SCD: variants seen among roughly 807,000 people sequenced by gnomAD.
SCD encodes the protein acyl-CoA desaturase.
SCD carries 4 observed loss-of-function variants against 35.7 expected under a neutral mutation model. The observed-to-expected ratio is 0.11, with a 90% CI of 0.06 to 0.26. SCD has a LOEUF of 0.26. Among genes scored for constraint, SCD ranks in the 10% least tolerant of loss-of-function variants. SCD has a pLI of 1.00. For missense variants in SCD, 282 were observed against 460.7 expected, an observed-to-expected ratio of 0.61 and a Z score of 3.55; for synonymous variants, 150 against 170.2, an observed-to-expected ratio of 0.88 and a Z score of 0.92.
At position 100,347,244 on chromosome 10, in the gene SCD, C is replaced by A. The variant is rs201993920; in HGVS notation, c.-261C>A. 9.1e-6 allele frequency: 5 copies of A among 548,644 alleles called. No homozygotes were observed. The African/African-American group carries it at 9.9e-5, about 11-fold the overall frequency. 34.0% of individuals were successfully genotyped at this position (548,644 alleles called of 1,614,324 possible). ...GGACCGCCCGCGCCAGTCAACTCCTCGCACTTTGCCCCTGCTTGGCAGCGG... is the reference window on the plus strand; with the variant it reads ...GGACCGCCCGCGCCAGTCAACTCCTAGCACTTTGCCCCTGCTTGGCAGCGG... On this transcript the variant is annotated 5_prime_UTR_variant, in exon 1 of 6. Transcript: ENST00000370355.
At chr10:100,348,432 C>T in intron 2 of SCD, 86 bp downstream of exon 2, 1 of 1,318,242 alleles carries the variant, frequency 7.6e-7, no homozygotes, top group Non-Finnish European at 1.0e-6. Flanking sequence ...AGGACACCAG[C>T]CCCTCCCAGC....
rs199655775 is a variant in SCD at position 100,361,361 on chromosome 10, T to G, written c.*428T>G. On this transcript the variant is annotated 3_prime_UTR_variant, in exon 6 of 6. Transcript: ENST00000370355. ...TGAAGTAGGTGGCTTGAGCTAGAGA[T>G]AAAACAGAATCTTCTGGGTAGTCCC... 9 of 174,798 alleles carry G rather than the reference T, an allele frequency of 5.1e-5. No homozygotes were observed. Among genetic ancestry groups the G allele is most frequent in the African/African-American group, 2.2e-4 (9 of 41,794 alleles). The allele number at this position is 174,798 out of a possible 1,614,324, so 10.8% of individuals were successfully genotyped here.
At chr10:100,350,145 G>A (rs954785284) in intron 2 of SCD, among the ~76,000 whole-genome samples, 1 of 152,120 alleles carries the variant, frequency 6.6e-6, no homozygotes, top group Non-Finnish European at 1.5e-5. Context: ...ACAGAGACTA[G>A]ATGGTAACTT....
Position 100,353,476 on chromosome 10 carries a change from G to A in SCD, c.442-951G>A, listed in dbSNP as rs371008938. ...GGCGGGCACCTGTAGTCCCAGCTAC[G>A]TGGGAGGCTGAGGCAGGAGAATGGT... is the stretch of plus-strand genomic sequence containing the variant. On this transcript the variant is annotated intron_variant, in intron 3 of 5. Coordinates refer to ENST00000370355, the MANE Select transcript of SCD (RefSeq NM_005063.5). 3.4e-4 allele frequency among the ~76,000 whole-genome samples: 51 copies of A among 151,790 alleles called. 2 individuals are homozygous for A. In the South Asian group the frequency reaches 0.011, roughly 32 times the overall value.
Position 100,354,616 on chromosome 10 carries a change from G to T in SCD, c.631G>T (p.Val211Leu). The change falls in exon 4 of 6, where the codon GTG becomes TTG. Residue 211 changes from valine (V) to leucine (L), a missense_variant. Physicochemically the swap from Val to Leu is conservative, Grantham distance 32. This residue lies in a region of SCD where 205 missense variants were observed against 372.3 expected (regional missense o/e 0.55). Coordinates refer to ENST00000370355, the MANE Select transcript of SCD (RefSeq NM_005063.5). Reference protein sequence around the residue: ...DLSDLEAEKLVMFQRRYYKPG... With the variant: ...DLSDLEAEKLLMFQRRYYKPG... ...GTCTGACCTAGAAGCTGAGAAACTG[G>T]TGATGTTCCAGAGGAGGTGAGTGAA... 6.2e-7 allele frequency: 1 copy of T among 1,614,132 alleles called. No homozygotes were observed. Among genetic ancestry groups the T allele is most frequent in the Non-Finnish European group, 8.5e-7 (1 of 1,179,956 alleles).
Position 100,348,074 on chromosome 10 carries a change from C to G in SCD, c.38C>G (p.Ser13Cys). ...AHLLQDDISS[S>C]YTTTTTITAP... ...TCCTCCCCCTTCCAGATCTCTAGCTCCTATACCACCACCACCACCATTACA... is the reference window on the plus strand; with the variant it reads ...TCCTCCCCCTTCCAGATCTCTAGCTGCTATACCACCACCACCACCATTACA... Residue 13 changes from serine to cysteine, a missense_variant, in exon 2 of 6, where the codon TCC becomes TGC. Ser to Cys is a moderately radical substitution (Grantham distance 112). Coordinates refer to ENST00000370355, the MANE Select transcript of SCD (RefSeq NM_005063.5). The G allele has an allele frequency of 6.2e-7, 1 of 1,613,638 alleles. No homozygotes were observed. The highest frequency in any genetic ancestry group is 8.5e-7 in the Non-Finnish European group (1 of 1,179,802).
Position 100,360,846 on chromosome 10 carries a change from T to G in SCD, c.993T>G (p.Gly331=). ...TFFIDCMAAL[G]LAYDRKKVSK... The stretch of plus-strand genomic sequence containing the variant: ...TCATTGATTGCATGGCCGCCCTCGG[T>G]CTGGCCTATGACCGGAAGAAAGTCT... The change falls in exon 6 of 6, where the codon GGT becomes GGG. Residue 331 remains glycine, a synonymous_variant. Coordinates refer to ENST00000370355, the MANE Select transcript of SCD (RefSeq NM_005063.5). 1 of 1,614,008 alleles carries G rather than the reference T, an allele frequency of 6.2e-7. No homozygotes were observed. Among genetic ancestry groups the G allele is most frequent in the Non-Finnish European group, 8.5e-7 (1 of 1,179,880 alleles).
At chr10:100,354,347 C>T in intron 3 of SCD, 80 bp from the exon 4 acceptor site, 1 of 1,288,870 alleles carries the variant, frequency 7.8e-7, no homozygotes, top group Non-Finnish European at 1.1e-6. Flanking sequence ...GCGCCTTGGG[C>T]TCTTGATACC....
At position 100,348,288 on chromosome 10, in the gene SCD, G is replaced by C. The variant is rs763711760; in HGVS notation, c.252G>C (p.Leu84Phe). The change falls in exon 2 of 6, where the codon TTG becomes TTC. Residue 84 changes from leucine (L) to phenylalanine (F), a missense_variant. Physicochemically the swap from Leu to Phe is conservative, Grantham distance 22. This residue lies in a region of SCD where 205 missense variants were observed against 372.3 expected (regional missense o/e 0.55). Transcript: ENST00000370355. ...RNIILMSLLH[L>F]GALYGITLIP... ...TCATCCTTATGTCTCTGCTACACTTGGGAGCCCTGTATGGGATCACTTTGA... is the reference window on the plus strand; with the variant it reads ...TCATCCTTATGTCTCTGCTACACTTCGGAGCCCTGTATGGGATCACTTTGA... 9.9e-6 allele frequency: 16 copies of C among 1,613,932 alleles called. No individual in the cohort carries two copies. Among genetic ancestry groups the C allele is most frequent in the Non-Finnish European group, 3.4e-6 (4 of 1,180,024 alleles).
Position 100,356,641 on chromosome 10 carries a change from C to A in SCD, c.757C>A (p.Arg253=). The A allele has an allele frequency of 6.2e-7, 1 of 1,614,208 alleles. No individual in the cohort carries two copies. Among genetic ancestry groups the A allele is most frequent in the Non-Finnish European group, 8.5e-7 (1 of 1,180,028 alleles). ...CAGTGTGTTCGTTGCCACTTTCTTG[C>A]GATATGCTGTGGTGCTTAATGCCAC... ...QNSVFVATFL[R]YAVVLNATWL... Residue 253 remains arginine, a synonymous_variant, in exon 5 of 6, where the codon CGA becomes AGA. Coordinates refer to ENST00000370355, the MANE Select transcript of SCD (RefSeq NM_005063.5). This position sits in a 1 kb window ranked among gnomAD's most constrained non-coding sequence, Gnocchi z 4.1.
rs1476323522 is a variant in SCD at position 100,363,297 on chromosome 10, G to A, written c.*2364G>A. Reference sequence around the variant, plus strand: ...GCTCAGTCATCAAAGCAGAAGTCTGGCTTTGCTCTATTAAGATTGGAAATG... The same window carrying A: ...GCTCAGTCATCAAAGCAGAAGTCTGACTTTGCTCTATTAAGATTGGAAATG... On this transcript the variant is annotated 3_prime_UTR_variant, in exon 6 of 6. Coordinates refer to ENST00000370355, the MANE Select transcript of SCD (RefSeq NM_005063.5). 1 of 152,270 alleles carries A rather than the reference G, an allele frequency of 6.6e-6. No homozygotes were observed. Among genetic ancestry groups the A allele is most frequent in the Non-Finnish European group, 1.5e-5 (1 of 68,088 alleles). 9.4% of individuals were successfully genotyped at this position (152,270 alleles called of 1,614,324 possible). A position where few individuals can be genotyped will look rare whatever the true frequency, so the allele number is the denominator to read the frequency against.
At position 100,356,651 on chromosome 10, in the gene SCD, T is replaced by C; in HGVS notation, c.767T>C (p.Val256Ala). The change falls in exon 5 of 6, where the codon GTG (valine) becomes GCG (alanine). Residue 256 changes from valine (V) to alanine (A), a missense_variant. Physicochemically the swap from Val to Ala is moderately conservative, Grantham distance 64. This residue lies in a region of SCD where 205 missense variants were observed against 372.3 expected (regional missense o/e 0.55). Coordinates refer to ENST00000370355, the MANE Select transcript of SCD (RefSeq NM_005063.5). The surrounding 1 kb of genome is among the most constrained non-coding windows in gnomAD (Gnocchi z 4.1). ...VFVATFLRYA[V>A]VLNATWLVNS... ...GTTGCCACTTTCTTGCGATATGCTG[T>C]GGTGCTTAATGCCACCTGGCTGGTG... 6.2e-7 allele frequency: 1 copy of C among 1,614,282 alleles called. No homozygotes were observed. The highest frequency in any genetic ancestry group is 8.5e-7 in the Non-Finnish European group (1 of 1,180,052).
intron 2 of SCD, among the ~76,000 whole-genome samples, chr10:100,349,046 C>T (rs564227708): frequency 7.2e-5 from 11 of 152,268 alleles, no homozygotes; most frequent in Admixed American, 3.3e-4. Flanking sequence ...TTCCATCCCC[C>T]GTCCAGCCTG....
rs1187669367 is a variant in SCD, at chr10:100,352,537, A to G, written c.441+41A>G. 3.1e-6 allele frequency: 5 copies of G among 1,597,942 alleles called. No individual in the cohort carries two copies. The highest frequency in any genetic ancestry group is 1.7e-5 in the Admixed American group (1 of 59,890). On this transcript the variant is annotated intron_variant, in intron 3 of 5. Transcript: ENST00000370355. The surrounding 1 kb of genome is among the most constrained non-coding windows in gnomAD (Gnocchi z 4.2). ...TGCTCAGCTGTTTGTCCTCCACACT[A>G]TTAATGATCCGGGGACAGAAAGGAG...
Position 100,348,302 on chromosome 10 carries a change from G to C in SCD, c.266G>C (p.Gly89Ala), listed in dbSNP as rs780973239. 1.2e-6 allele frequency: 2 copies of C among 1,613,582 alleles called. No individual in the cohort carries two copies. Among genetic ancestry groups the C allele is most frequent in the Non-Finnish European group, 1.7e-6 (2 of 1,179,890 alleles). Residue 89 changes from glycine (G) to alanine (A), a missense_variant, in exon 2 of 6, where the codon GGG becomes GCG. This residue lies in a region of SCD where 205 missense variants were observed against 372.3 expected (regional missense o/e 0.55). Coordinates refer to ENST00000370355, the MANE Select transcript of SCD (RefSeq NM_005063.5). ...MSLLHLGALY[G>A]ITLIPTCKFY... ...CTGCTACACTTGGGAGCCCTGTATGGGATCACTTTGATTCCTACCTGCAAG... is the reference window on the plus strand; with the variant it reads ...CTGCTACACTTGGGAGCCCTGTATGCGATCACTTTGATTCCTACCTGCAAG...
intron 5 of SCD, among the ~76,000 whole-genome samples, chr10:100,358,799 G>A (rs1222551120): frequency 4.0e-5 from 6 of 149,696 alleles, no homozygotes; most frequent in Non-Finnish European, 8.9e-5. Context: ...ATGGTGGCAC[G>A]TGCCTGTAGT....
At chr10:100,349,063 G>T (rs1201440027) in intron 2 of SCD, among the ~76,000 whole-genome samples, 1 of 152,038 alleles carries the variant, frequency 6.6e-6, no homozygotes, top group African/African-American at 2.4e-5. Flanking sequence ...CCTGCTTCAG[G>T]CCCCCCTACT....
At chr10:100,355,244 A>G (rs1477987801) in intron 4 of SCD, among the ~76,000 whole-genome samples, 1 of 152,220 alleles carries the variant, frequency 6.6e-6, no homozygotes, top group Non-Finnish European at 1.5e-5. Context: ...TTTCTGTACT[A>G]TGAGAGGTAC....
intron 4 of SCD, among the ~76,000 whole-genome samples, chr10:100,354,993 C>T (rs1849913180): frequency 1.3e-5 from 2 of 152,140 alleles, no homozygotes; most frequent in Admixed American, 1.3e-4. Flanking sequence ...TGCAGTGGCA[C>T]AATCATGGCT....
Sources: gnomAD v4.1 joint callset for allele counts (sites outside exome capture counted in the v4.1 genomes callset) on GRCh38, gnomAD v4.1.1 for gene constraint, gnomAD v4.1.1 regional missense constraint, Gnocchi (gnomAD v3.1) non-coding constraint, MANE v1.5 for transcripts, NCBI Gene and HGNC (gene_info 2026-07-23, HGNC 2026-07-21) for gene names.